The following ZNF407 variants were observed in gnomAD, a reference collection of about 807,000 sequenced individuals.
ZNF407 encodes zinc finger protein 407.
In ZNF407, 17 loss-of-function variants were observed where a neutral mutation model predicts 131.2. That is an observed-to-expected ratio of 0.13 (90% confidence interval 0.09 to 0.19). The LOEUF is 0.19. Ranked by LOEUF, ZNF407 falls within the 10% of genes least tolerant of loss-of-function variation. The probability of loss-of-function intolerance (pLI) is 1.00; values close to 1 mark genes in which losing one functional copy is unlikely to be tolerated. For missense variants in ZNF407, 2,681 were observed against 2,830.6 expected (o/e 0.95, Z 1.20); for synonymous variants, 1,156 against 1,062.0 (o/e 1.09, Z -1.72).
rs1269474831 is a variant in ZNF407 at position 74,632,881 on chromosome 18, A to G, written c.1862A>G (p.Asn621Ser). ...ATGCATTTTCTTTGCACCCCTTGTAATCTGTTCTTTTTGTCTGAAAAAGAT... is the reference window on the plus strand; with the variant it reads ...ATGCATTTTCTTTGCACCCCTTGTAGTCTGTTCTTTTTGTCTGAAAAAGAT... ...HNMHFLCTPC[N>S]LFFLSEKDVE... The change falls in exon 2 of 9, where the codon AAT becomes AGT. Residue 621 changes from asparagine (N) to serine (S), a missense_variant. Transcript: ENST00000299687. The G allele has an allele frequency of 1.2e-6, 2 of 1,613,540 alleles. No individual in the cohort carries two copies. Among genetic ancestry groups the G allele is most frequent in the Admixed American group, 3.3e-5 (2 of 60,026 alleles).
At chr18:74,896,759 G>C (rs1971459236) in intron 7 of ZNF407, among the ~76,000 whole-genome samples, 2 of 152,138 alleles carry the variant, frequency 1.3e-5, no homozygotes, top group Non-Finnish European at 2.9e-5. Flanking sequence ...ATTTTTTTGA[G>C]GGGTTCCCTA....
rs1243804588 is a variant in ZNF407, at chr18:74,691,257, C to T, written c.4802+50135C>T. Among the ~76,000 whole-genome samples the T allele has an allele frequency of 2.7e-5, 4 of 150,464 alleles. No homozygotes were observed. In the South Asian group the frequency reaches 6.3e-4, roughly 24 times the overall value. On this transcript the variant is annotated intron_variant, in intron 3 of 8. Coordinates refer to ENST00000299687, the MANE Select transcript of ZNF407 (RefSeq NM_017757.3). ...TTGTGCCATTGCACTCCAGCCTGGG[C>T]GACAAGAGCAAAACTCTGTCTCAAA...
chr18:74,733,316 C>A (rs1221006682), intron 3 of ZNF407, among the ~76,000 whole-genome samples: 1 of 152,036 alleles, frequency 6.6e-6, no homozygotes, highest in Non-Finnish European at 1.5e-5. Flanking sequence ...AACACTTTAG[C>A]AACATTAAAT....
intron 8 of ZNF407, among the ~76,000 whole-genome samples, chr18:74,969,107 A>G (rs1208943151): frequency 2.0e-5 from 3 of 152,068 alleles, no homozygotes; most frequent in African/African-American, 4.8e-5. Context: ...TGTAAATTCC[A>G]TTTGCTTCAT....
chr18:75,019,405 A>G (rs1198689466), intron 8 of ZNF407, among the ~76,000 whole-genome samples: 2 of 152,142 alleles, frequency 1.3e-5, no homozygotes, highest in Non-Finnish European at 2.9e-5. Flanking sequence ...CCCCATATCC[A>G]TGGTTGTGAT....
chr18:74,710,833 TTCTC>T (rs1037993596), intron 3 of ZNF407, among the ~76,000 whole-genome samples: 5 of 152,218 alleles, frequency 3.3e-5, no homozygotes, highest in East Asian at 1.9e-4. Context: ...TTGGCTTTTG[TTCTC>T]TCTATTTTAA....
intron 4 of ZNF407, among the ~76,000 whole-genome samples, chr18:74,862,943 G>GA (rs1180802444): frequency 7.5e-6 from 1 of 133,826 alleles, no homozygotes; most frequent in South Asian, 2.4e-4. Flanking sequence ...TTTTTGAGAT[G>GA]AAGTTTTGCT....
In ZNF407 at chr18:74,972,227, C is replaced by T. The variant is rs79377306; in HGVS notation, c.5428+51535C>T. On this transcript the variant is annotated intron_variant, in intron 8 of 8. Coordinates refer to ENST00000299687, the MANE Select transcript of ZNF407 (RefSeq NM_017757.3). ...TTCCAGCATCCCGAGGCCCACTCCCCTTCTCCTCCACCTCCTTCTCACTCC... is the reference window on the plus strand; with the variant it reads ...TTCCAGCATCCCGAGGCCCACTCCCTTTCTCCTCCACCTCCTTCTCACTCC... 3.8e-3 allele frequency among the ~76,000 whole-genome samples: 581 copies of T among 152,318 alleles called. 5 individuals are homozygous for T. The highest frequency in any genetic ancestry group is 0.013 in the African/African-American group (535 of 41,578).
At chr18:75,016,641 C>T (rs915079827) in intron 8 of ZNF407, among the ~76,000 whole-genome samples, 7 of 151,998 alleles carry the variant, frequency 4.6e-5, no homozygotes, top group Non-Finnish European at 8.8e-5. Flanking sequence ...ATAAGGATAT[C>T]GACAACAATA....
chr18:74,925,439 G>A (rs748263385), intron 8 of ZNF407, among the ~76,000 whole-genome samples: 38 of 152,086 alleles, frequency 2.5e-4, no homozygotes, highest in Non-Finnish European at 4.3e-4. Flanking sequence ...CCTCATTAAC[G>A]TAAAACAGCT....
At position 74,618,124 on chromosome 18, in the gene ZNF407, C is replaced by T. The variant is rs1020348317; in HGVS notation, c.-53-12843C>T. ...GCATTATTTGGGTGCTCCAATTGTC[C>T]GAGATTTGGTCAGGGGAAGCCCCTT... On this transcript the variant is annotated intron_variant, in intron 1 of 8. Transcript: ENST00000299687. Among the ~76,000 whole-genome samples the T allele has an allele frequency of 2.0e-3, 299 of 152,240 alleles. 4 individuals carry two copies. Among genetic ancestry groups the T allele is most frequent in the African/African-American group, 6.3e-3 (261 of 41,544 alleles).
At chr18:74,976,707 A>G (rs1599273918) in intron 8 of ZNF407, among the ~76,000 whole-genome samples, 1 of 152,292 alleles carries the variant, frequency 6.6e-6, no homozygotes, top group African/African-American at 2.4e-5. Flanking sequence ...TTTCAGCGTA[A>G]TCTCTCACTG....
intron 8 of ZNF407, among the ~76,000 whole-genome samples, chr18:75,041,056 A>G (rs1055424553): frequency 6.6e-5 from 10 of 152,216 alleles, no homozygotes; most frequent in Non-Finnish European, 1.3e-4. Flanking sequence ...AGCATGCACT[A>G]CGGGGCACTT....
At chr18:74,612,621 ATACT>A (rs753658205) in intron 1 of ZNF407, among the ~76,000 whole-genome samples, 11 of 152,182 alleles carry the variant, frequency 7.2e-5, no homozygotes, top group Non-Finnish European at 1.5e-4. Flanking sequence ...ATAATTATTA[ATACT>A]TACTGAGCAC....
chr18:74,970,422 A>C (rs573327667), intron 8 of ZNF407, among the ~76,000 whole-genome samples: 1 of 152,350 alleles, frequency 6.6e-6, no homozygotes, highest in East Asian at 1.9e-4. Context: ...TGTAAAATCA[A>C]AAGCAAGCTA....
chr18:74,773,220 G>A (rs1015628953), intron 3 of ZNF407, among the ~76,000 whole-genome samples: 3 of 152,132 alleles, frequency 2.0e-5, no homozygotes, highest in South Asian at 2.1e-4. Context: ...AACGAGAATC[G>A]ACAATAGTAT....
chr18:75,015,129 T>C (rs1011692652), intron 8 of ZNF407, among the ~76,000 whole-genome samples: 7 of 152,114 alleles, frequency 4.6e-5, no homozygotes, highest in Non-Finnish European at 8.8e-5. Context: ...GAAAGGGATA[T>C]AATTTGTAGA....
chr18:74,791,743 T>C (rs140921959), intron 4 of ZNF407, among the ~76,000 whole-genome samples: 30 of 152,304 alleles, frequency 2.0e-4, no homozygotes, highest in African/African-American at 7.2e-4. Context: ...GCATTCTATT[T>C]TGCCTTCCTT....
Position 74,762,638 on chromosome 18 carries a change from A to G in ZNF407, c.4803-18790A>G, listed in dbSNP as rs150822368. On this transcript the variant is annotated intron_variant, in intron 3 of 8. Transcript: ENST00000299687. ...TGCTGATCTGCTTTCTGCCATTATT[A>G]GCTTGCATTTTTAGAGTTCTTTGTG... Among the ~76,000 whole-genome samples the G allele has an allele frequency of 9.9e-5, 15 of 151,332 alleles. No homozygotes were observed. In the East Asian group the frequency reaches 2.9e-3, roughly 29 times the overall value.
Sources: gnomAD v4.1 joint callset for allele counts (sites outside exome capture counted in the v4.1 genomes callset) on GRCh38, gnomAD v4.1.1 for gene constraint, MANE v1.5 for transcripts, NCBI Gene and HGNC (gene_info 2026-07-23, HGNC 2026-07-21) for gene names.